NRG3: variants seen among roughly 807,000 people sequenced by gnomAD.
NRG3 encodes pro-neuregulin-3, membrane-bound isoform.
In NRG3, 31 loss-of-function variants were observed where a neutral mutation model predicts 66.9. The ratio of observed to expected loss-of-function variants is 0.46; its 90% CI spans 0.35 to 0.63. The LOEUF is 0.63. NRG3 is among the 20% of genes least tolerant of loss of function. The pLI, the probability that NRG3 is intolerant of heterozygous loss-of-function variation, is 0.00. For missense variants in NRG3, 910 were observed against 878.9 expected (o/e 1.04, Z -0.45); for synonymous variants, 393 against 359.4 (o/e 1.09, Z -1.06).
chr10:81,935,774 A>G (rs144604287), intron 1 of NRG3, among the ~76,000 whole-genome samples: 98 of 152,186 alleles, frequency 6.4e-4, no homozygotes, highest in African/African-American at 2.3e-3. Flanking sequence ...ACCAACCTGT[A>G]TAACCCTTTG....
At chr10:82,958,189 C>T (rs2132432994) in intron 5 of NRG3, among the ~76,000 whole-genome samples, 1 of 152,296 alleles carries the variant, frequency 6.6e-6, no homozygotes, top group East Asian at 1.9e-4. Context: ...AGAGTGTAAA[C>T]TATGGAGGCA....
At chr10:81,946,278 A>G (rs552792555) in intron 1 of NRG3, among the ~76,000 whole-genome samples, 1 of 152,248 alleles carries the variant, frequency 6.6e-6, no homozygotes, top group East Asian at 1.9e-4. Flanking sequence ...CGGCCTCCCA[A>G]AGTGCTGGGA....
At chr10:81,923,363 G>T (rs1327165780) in intron 1 of NRG3, among the ~76,000 whole-genome samples, 2 of 152,248 alleles carry the variant, frequency 1.3e-5, no homozygotes, top group Middle Eastern at 3.4e-3. Flanking sequence ...CCGCCACCGC[G>T]CCCGGCTAAT....
chr10:82,835,763 T>C (rs186663562), intron 3 of NRG3, among the ~76,000 whole-genome samples: 199 of 152,196 alleles, frequency 1.3e-3, no homozygotes, highest in African/African-American at 4.6e-3. Context: ...TAGAATCCCT[T>C]TGTAAGTTTT....
chr10:82,645,393 G>A (rs906624410), intron 2 of NRG3, among the ~76,000 whole-genome samples: 12 of 152,096 alleles, frequency 7.9e-5, no homozygotes, highest in Admixed American at 3.3e-4. Flanking sequence ...CACTGTCTTG[G>A]CCTAATCAGA....
At chr10:82,814,610 G>A (rs1010834274) in intron 3 of NRG3, among the ~76,000 whole-genome samples, 2 of 152,186 alleles carry the variant, frequency 1.3e-5, no homozygotes, top group Non-Finnish European at 2.9e-5. Context: ...TCTGACCCAT[G>A]AGAAAACATT....
chr10:81,935,040 A>G (rs1429620373), intron 1 of NRG3, among the ~76,000 whole-genome samples: 1 of 152,212 alleles, frequency 6.6e-6, no homozygotes, highest in African/African-American at 2.4e-5. Context: ...ATGGCTGTTT[A>G]TTACATTGTG....
At chr10:82,379,181 C>T (rs1489592206) in intron 2 of NRG3, among the ~76,000 whole-genome samples, 1 of 152,090 alleles carries the variant, frequency 6.6e-6, no homozygotes, top group Non-Finnish European at 1.5e-5. Context: ...GAGGGGTTAA[C>T]TGTGGCTTCC....
intron 4 of NRG3, among the ~76,000 whole-genome samples, chr10:82,891,584 C>T (rs1045078040): frequency 6.6e-6 from 1 of 151,858 alleles, no homozygotes; most frequent in Admixed American, 6.6e-5. Flanking sequence ...ATTTTATGCT[C>T]ATTATCGTTA....
chr10:82,276,171 C>T (rs1564738932), intron 1 of NRG3, among the ~76,000 whole-genome samples: 1 of 151,932 alleles, frequency 6.6e-6, no homozygotes, highest in African/African-American at 2.4e-5. Flanking sequence ...AATGGATACA[C>T]ACGAGTAATT....
intron 1 of NRG3, among the ~76,000 whole-genome samples, chr10:82,058,025 G>A (rs2063941142): frequency 7.0e-6 from 1 of 142,776 alleles, no homozygotes; most frequent in Non-Finnish European, 1.5e-5. Context: ...TTACTCTCCT[G>A]TGACTACAGT....
chr10:82,848,297 C>A lies in NRG3; in HGVS notation c.1028-17114C>A, dbSNP rs74635403. On this transcript the variant is annotated intron_variant, in intron 3 of 8. Coordinates refer to ENST00000372141, the MANE Select transcript of NRG3 (RefSeq NM_001010848.4). Reference sequence around the variant, plus strand: ...GAATCCAACTCTTGCATCAAGGTAACCCAGATGTGAGGACATGGATTCAAA... The same window carrying A: ...GAATCCAACTCTTGCATCAAGGTAAACCAGATGTGAGGACATGGATTCAAA... Among the ~76,000 whole-genome samples, 5 of 152,132 alleles carry A rather than the reference C, an allele frequency of 3.3e-5. No homozygotes were observed. In the East Asian group the frequency reaches 7.7e-4, roughly 23 times the overall value.
chr10:82,547,801 C>T (rs1420466296), intron 2 of NRG3, among the ~76,000 whole-genome samples: 2 of 152,016 alleles, frequency 1.3e-5, no homozygotes, highest in African/African-American at 4.8e-5. Flanking sequence ...GATCCATGGT[C>T]AGTATTTCAC....
intron 2 of NRG3, among the ~76,000 whole-genome samples, chr10:82,591,986 A>AC: frequency 6.6e-6 from 1 of 152,316 alleles, no homozygotes; most frequent in Non-Finnish European, 1.5e-5. Context: ...TCTGGGAAAC[A>AC]CCAGAGGTTT....
chr10:82,630,884 A>G (rs550961367), intron 2 of NRG3, among the ~76,000 whole-genome samples: 1 of 152,152 alleles, frequency 6.6e-6, no homozygotes, highest in African/African-American at 2.4e-5. Context: ...TTTACTATTC[A>G]AAAGAGGTTT....
chr10:82,402,434 GT>G (rs1252963115), intron 2 of NRG3, among the ~76,000 whole-genome samples: 1 of 152,078 alleles, frequency 6.6e-6, no homozygotes, highest in Non-Finnish European at 1.5e-5. Flanking sequence ...CAAAGAAGTT[GT>G]TTTTATTTGG....
chr10:82,341,776 C>A (rs1008886232), intron 1 of NRG3, among the ~76,000 whole-genome samples: 1 of 151,944 alleles, frequency 6.6e-6, no homozygotes, highest in African/African-American at 2.4e-5. Context: ...TTTGTAGTCT[C>A]CAGTGTATAT....
At chr10:81,992,673 G>C (rs1365097130) in intron 1 of NRG3, among the ~76,000 whole-genome samples, 1 of 152,078 alleles carries the variant, frequency 6.6e-6, no homozygotes. Context: ...CTCTCCTTCA[G>C]AGGTCTCTCC....
At chr10:82,431,385 A>G (rs2089795898) in intron 2 of NRG3, among the ~76,000 whole-genome samples, 1 of 152,212 alleles carries the variant, frequency 6.6e-6, no homozygotes, top group South Asian at 2.1e-4. Context: ...CTATGGAACT[A>G]AGGTGAGAGG....
Sources: gnomAD v4.1 joint callset for allele counts (sites outside exome capture counted in the v4.1 genomes callset) on GRCh38, gnomAD v4.1.1 for gene constraint, MANE v1.5 for transcripts, NCBI Gene and HGNC (gene_info 2026-07-23, HGNC 2026-07-21) for gene names.